Variants in NF1 observed in about 807,000 individuals in gnomAD.
NF1 encodes the protein neurofibromin 1, also known as neurofibromin.
Under a neutral mutation model 325.7 loss-of-function variants are expected in NF1, and 122 were observed. The observed-to-expected ratio is 0.37, with a 90% confidence interval of 0.32 to 0.44. NF1 has a LOEUF of 0.44. Among genes scored for constraint, NF1 ranks in the 20% least tolerant of loss-of-function variants. NF1 has a pLI of 1.00. For missense variants in NF1, 2,140 were observed against 3,415.4 expected, an observed-to-expected ratio of 0.63 and a Z score of 9.31; for synonymous variants, 1,091 against 1,186.0, an observed-to-expected ratio of 0.92 and a Z score of 1.65.
intron 1 of NF1, among the ~76,000 whole-genome samples, chr17:31,096,135 C>G (rs964879047): frequency 5.3e-5 from 8 of 151,086 alleles, no homozygotes; most frequent in African/African-American, 2.0e-4. Context: ...GTCTCTTCCC[C>G]CCCCCCTTTT....
At chr17:31,132,669 A>G (rs1216087630) in intron 1 of NF1, among the ~76,000 whole-genome samples, 1 of 151,338 alleles carries the variant, frequency 6.6e-6, no homozygotes, top group East Asian at 1.9e-4. Context: ...AATGTTACTT[A>G]TTTATTTATT....
chr17:31,338,679 A>C (rs2069741166), intron 45 of NF1, 25 bp from the exon 46 acceptor site: 1 of 1,465,436 alleles, frequency 6.8e-7, no homozygotes, highest in Admixed American at 1.7e-5. Flanking sequence ...TGAAAGTAAA[A>C]TAAAAAATTC....
At chr17:31,107,582 A>T (rs1567792658) in intron 1 of NF1, among the ~76,000 whole-genome samples, 1 of 152,032 alleles carries the variant, frequency 6.6e-6, no homozygotes, top group Admixed American at 6.6e-5. Flanking sequence ...TGTCTCTGAA[A>T]AAATAAATAA....
At chr17:31,345,995 G>C in intron 48 of NF1, 1 of 1,612,902 alleles carries the variant, frequency 6.2e-7, no homozygotes, top group South Asian at 1.1e-5. Flanking sequence ...TAGTCCAGCA[G>C]GAGGATGATA....
chr17:31,259,598 G>C (rs1057078514), intron 33 of NF1, among the ~76,000 whole-genome samples: 1 of 152,052 alleles, frequency 6.6e-6, no homozygotes, highest in African/African-American at 2.4e-5. Flanking sequence ...TGTTTATGAG[G>C]AACTGAACTT....
At chr17:31,102,223 T>C (rs1221159940) in intron 1 of NF1, among the ~76,000 whole-genome samples, 4 of 152,240 alleles carry the variant, frequency 2.6e-5, no homozygotes, top group Non-Finnish European at 5.9e-5. Flanking sequence ...TCAACTACTT[T>C]TGTAATTTTG....
intron 1 of NF1, among the ~76,000 whole-genome samples, chr17:31,128,040 C>CA (rs1915032490): frequency 6.6e-6 from 1 of 151,834 alleles, no homozygotes; most frequent in Non-Finnish European, 1.5e-5. Flanking sequence ...CACCTGGGCT[C>CA]AAGCCATCAT....
intron 1 of NF1, chr17:31,136,377 TCC>T: frequency 6.9e-6 from 1 of 145,892 alleles, no homozygotes; most frequent in South Asian, 2.2e-4. Flanking sequence ...GTCTCCCCGC[TCC>T]CCCCACAACC....
chr17:31,313,550 A>G (rs527531867), intron 36 of NF1, among the ~76,000 whole-genome samples: 1 of 151,914 alleles, frequency 6.6e-6, no homozygotes, highest in South Asian at 2.1e-4. Flanking sequence ...CTAAAAATAC[A>G]AAAAAATTAG....
At chr17:31,296,196 A>C in intron 36 of NF1, 3 of 1,613,834 alleles carry the variant, frequency 1.9e-6, no homozygotes, top group Non-Finnish European at 1.7e-6. Flanking sequence ...AATGTAGACA[A>C]GTTTCTGCCT....
intron 57 of NF1, among the ~76,000 whole-genome samples, chr17:31,370,671 A>C (rs2070618291): frequency 6.6e-6 from 1 of 152,184 alleles, no homozygotes; most frequent in Non-Finnish European, 1.5e-5. Context: ...GCCCAAACAG[A>C]AGCATTGCCA....
intron 36 of NF1, among the ~76,000 whole-genome samples, chr17:31,277,958 C>T (rs1201544839): frequency 6.6e-6 from 1 of 152,144 alleles, no homozygotes; most frequent in African/African-American, 2.4e-5. Context: ...GCTGTATGTA[C>T]ACTGTATCAT....
In NF1 at chr17:31,260,333, G is replaced by A. The variant is rs764031845; in HGVS notation, c.4431-36G>A. 35 of 1,605,550 alleles carry A rather than the reference G, an allele frequency of 2.2e-5. No individual in the cohort carries two copies. The East Asian group carries it at 7.1e-4, about 33-fold the overall frequency. On this transcript the variant is annotated intron_variant, in intron 33 of 57. Coordinates refer to ENST00000358273, the MANE Select transcript of NF1 (RefSeq NM_001042492.3). ...TTCAAACATAAGTCTGGGTGTATCTGGTGTTGAAAATTCTAATGACTTTGC... is the reference window on the plus strand; with the variant it reads ...TTCAAACATAAGTCTGGGTGTATCTAGTGTTGAAAATTCTAATGACTTTGC...
intron 1 of NF1, among the ~76,000 whole-genome samples, chr17:31,107,763 G>T (rs182286726): frequency 1.3e-5 from 2 of 152,022 alleles, no homozygotes; most frequent in Non-Finnish European, 2.9e-5. Context: ...GTGCAATGGT[G>T]GTCAGTACTC....
chr17:31,206,744 A>G (rs1389117323), intron 12 of NF1, among the ~76,000 whole-genome samples: 1 of 152,136 alleles, frequency 6.6e-6, no homozygotes, highest in Admixed American at 6.5e-5. Flanking sequence ...GGTTAGAGTG[A>G]ATGTTGCTGC....
Position 31,325,994 on chromosome 17 carries a change from T to C in NF1, c.5010T>C (p.Ala1670=), listed in dbSNP as rs2151538109. The C allele has an allele frequency of 6.2e-7, 1 of 1,614,222 alleles. No individual in the cohort carries two copies. Among genetic ancestry groups the C allele is most frequent in the Non-Finnish European group, 8.5e-7 (1 of 1,180,038 alleles). ...SKWFVVFPGF[A]YDNVSAVYIY... ...GGTTTGTTGTTTTTCCTGGCTTTGCTTACGACAACGTCTCCGCAGTCTATA... is the reference window on the plus strand; with the variant it reads ...GGTTTGTTGTTTTTCCTGGCTTTGCCTACGACAACGTCTCCGCAGTCTATA... The change falls in exon 37 of 58, where the codon GCT becomes GCC. Residue 1670 remains alanine (A), a synonymous_variant. Transcript: ENST00000358273.
chr17:31,200,117 C>T (rs1267186271), intron 8 of NF1, among the ~76,000 whole-genome samples: 1 of 142,822 alleles, frequency 7.0e-6, no homozygotes, highest in Non-Finnish European at 1.5e-5. Flanking sequence ...GCCTGGGCAA[C>T]AGAGGAAGAC....
rs1174202288 is a variant in NF1, at chr17:31,225,180, C to A, written c.1931C>A (p.Ser644Tyr). 1 of 1,613,712 alleles carries A rather than the reference C, an allele frequency of 6.2e-7. No individual in the cohort carries two copies. The highest frequency in any genetic ancestry group is 2.2e-5 in the East Asian group (1 of 44,852). The change falls in exon 17 of 58, where the codon TCC (serine) becomes TAC (tyrosine). Residue 644 changes from serine (S) to tyrosine (Y), a missense_variant. Coordinates refer to ENST00000358273, the MANE Select transcript of NF1 (RefSeq NM_001042492.3). ...TCTAGTGGAAATACCAGTCAAATGT[C>A]CATGGATCATGAAGAATTACTACGT... ...IPSSGNTSQMSMDHEELLRTP... is the reference protein window; with the variant it reads ...IPSSGNTSQMYMDHEELLRTP...
chr17:31,252,639 G>A (rs938894678), intron 30 of NF1: 2 of 349,518 alleles, frequency 5.7e-6, no homozygotes, highest in Non-Finnish European at 1.1e-5. Context: ...TAACCAAAAT[G>A]TAAATATTTA....
Sources: allele counts gnomAD v4.1 joint callset (sites outside exome capture counted in the v4.1 genomes callset), GRCh38; gene constraint gnomAD v4.1.1; transcripts MANE v1.5; gene names NCBI Gene and HGNC (gene_info 2026-07-23, HGNC 2026-07-21).